Variants in TRIM36 observed in about 807,000 individuals in gnomAD.
TRIM36 encodes the protein E3 ubiquitin-protein ligase TRIM36.
Under a neutral mutation model 72.4 loss-of-function variants are expected in TRIM36, and 42 were observed. That is an observed-to-expected ratio of 0.58 (90% CI 0.45 to 0.75). TRIM36 has a LOEUF of 0.75. TRIM36 is among the 30% of genes least tolerant of loss of function. The pLI is 0.00. For synonymous variants in TRIM36, 315 were observed against 282.8 expected (o/e 1.11, Z -1.14); for missense variants, 913 against 857.1 (o/e 1.07, Z -0.81).
At chr5:115,158,979 A>G (rs1008127641) in intron 2 of TRIM36, among the ~76,000 whole-genome samples, 1 of 152,242 alleles carries the variant, frequency 6.6e-6, no homozygotes, top group African/African-American at 2.4e-5. Flanking sequence ...AGATGGTGGT[A>G]TCACCAGCAT....
intron 2 of TRIM36, chr5:115,149,669 C>T (rs1370694112): frequency 2.9e-5 from 3 of 104,892 alleles, no homozygotes; most frequent in African/African-American, 1.1e-4. Context: ...AGGTGTGAAA[C>T]ACTAAACTTA....
chr5:115,147,150 T>C lies in TRIM36; in HGVS notation c.507A>G (p.Glu169=), dbSNP rs12109197. 2.8e-4 allele frequency: 451 copies of C among 1,614,242 alleles called. 1 individual carries two copies. The African/African-American group carries it at 5.2e-3, about 19-fold the overall frequency. The change falls in exon 3 of 10, where the codon GAA becomes GAG. Residue 169 remains glutamate, a synonymous_variant. Transcript: ENST00000513154. ...CCCAAGGGTGATGAATTTTGAAGCATTCATTGCAGTAACTTGCACTACAGT... is the reference window on the plus strand; with the variant it reads ...CCCAAGGGTGATGAATTTTGAAGCACTCATTGCAGTAACTTGCACTACAGT... ...CMDCSASYCN[E]CFKIHHPWGT... is the part of the protein sequence containing the mutation.
At chr5:115,167,933 A>C (rs1357718956) in intron 1 of TRIM36, among the ~76,000 whole-genome samples, 1 of 152,228 alleles carries the variant, frequency 6.6e-6, no homozygotes, top group Non-Finnish European at 1.5e-5. Context: ...AGGCCTCAGG[A>C]AACTTACAAA....
chr5:115,177,971 A>G (rs12187289), intron 1 of TRIM36: 51,492 of 1,249,106 alleles, frequency 0.041, 1,279 homozygotes, highest in Non-Finnish European at 0.051. Flanking sequence ...GCATACTGTG[A>G]TGAACCCATT....
At position 115,141,326 on chromosome 5, in the gene TRIM36, C is replaced by T. The variant is rs1238541412; in HGVS notation, c.784G>A (p.Val262Met). Reference protein sequence around the residue: ...IDYLIGKESQVKSQISELNLL... With the variant: ...IDYLIGKESQMKSQISELNLL... ...TTTAGTTCAGATATTTGACTCTTCA[C>T]CTGGCTTTCCTTACCAATAAGGTAA... The change falls in exon 5 of 10, where the codon GTG (valine) becomes ATG (methionine). Residue 262 changes from valine (V) to methionine (M), a missense_variant. By Grantham distance (21) the Val-to-Met change is conservative. Coordinates refer to ENST00000513154, the MANE Select transcript of TRIM36 (RefSeq NM_001300759.2). 1.2e-6 allele frequency: 2 copies of T among 1,606,344 alleles called. No homozygotes were observed. The highest frequency in any genetic ancestry group is 1.7e-5 in the Admixed American group (1 of 57,778).
rs1245278874 is a variant in TRIM36, at chr5:115,125,576, T to C, written c.*927A>G. The C allele has an allele frequency of 2.0e-5, 3 of 152,094 alleles. No individual in the cohort carries two copies. The highest frequency in any genetic ancestry group is 4.4e-5 in the Non-Finnish European group (3 of 67,962). 9.4% of individuals were successfully genotyped at this position (152,094 alleles called of 1,614,324 possible). A position where few individuals can be genotyped will look rare whatever the true frequency, so the allele number is the denominator to read the frequency against. On this transcript the variant is annotated 3_prime_UTR_variant, in exon 10 of 10. Coordinates refer to ENST00000513154, the MANE Select transcript of TRIM36 (RefSeq NM_001300759.2). Reference sequence around the variant, plus strand: ...GTAAATATAAATCAGGAAAACCTGATATGTAATAATTGGGCCAAAAATGAA... The same window carrying C: ...GTAAATATAAATCAGGAAAACCTGACATGTAATAATTGGGCCAAAAATGAA...
chr5:115,161,507 T>C (rs572476991), intron 2 of TRIM36, among the ~76,000 whole-genome samples: 171 of 152,362 alleles, frequency 1.1e-3, no homozygotes, highest in Middle Eastern at 0.01. Flanking sequence ...ATGTTTTGGC[T>C]GTCCTGCCCT....
chr5:115,169,992 A>C, upstream of TRIM36: 3 of 1,111,204 alleles, frequency 2.7e-6, no homozygotes, highest in Non-Finnish European at 3.3e-6. Flanking sequence ...CCCAGGCAAC[A>C]GCGCCAGTCG....
intron 1 of TRIM36, among the ~76,000 whole-genome samples, chr5:115,166,777 T>C (rs938403162): frequency 5.3e-5 from 8 of 152,166 alleles, no homozygotes; most frequent in Non-Finnish European, 1.0e-4. Context: ...GACATCCTCT[T>C]TGTGGCTCTG....
At chr5:115,138,446 A>G (rs973542871) in intron 5 of TRIM36, among the ~76,000 whole-genome samples, 1 of 152,170 alleles carries the variant, frequency 6.6e-6, no homozygotes, top group Non-Finnish European at 1.5e-5. Context: ...ATTCTTTACT[A>G]AGATATAAAA....
At chr5:115,132,200 GTGTGTATA>G (rs1403081767) in intron 8 of TRIM36, among the ~76,000 whole-genome samples, 4 of 149,762 alleles carry the variant, frequency 2.7e-5, no homozygotes, top group South Asian at 4.3e-4. Flanking sequence ...GTGTGTGTGT[GTGTGTATA>G]TATATATATA....
intron 2 of TRIM36, chr5:115,148,309 A>C (rs1753700953): frequency 1.0e-6 from 1 of 983,440 alleles, no homozygotes; most frequent in Non-Finnish European, 1.2e-6. Flanking sequence ...TTAATAAATC[A>C]AGAAACCAAT....
At chr5:115,147,522 C>T (rs1287422433) in intron 2 of TRIM36, 128 bp from the exon 3 acceptor site, 18 of 1,120,234 alleles carry the variant, frequency 1.6e-5, no homozygotes, top group Admixed American at 5.7e-5. Flanking sequence ...AGTGGCTCCA[C>T]GTGAAATTTG....
Position 115,126,365 on chromosome 5 carries a change from T to G in TRIM36, c.*138A>C, listed in dbSNP as rs1334101130. 1.5e-6 allele frequency: 1 copy of G among 659,312 alleles called. No homozygotes were observed. The highest frequency in any genetic ancestry group is 2.5e-6 in the Non-Finnish European group (1 of 398,454). The allele number at this position is 659,312 out of a possible 1,614,324, so 40.8% of individuals were successfully genotyped here. ...TGAAGACACAAGGCTGTTTAGATTT[T>G]CTGTATTTCAAGAAGAATCATACTC... On this transcript the variant is annotated 3_prime_UTR_variant, in exon 10 of 10. Coordinates refer to ENST00000513154, the MANE Select transcript of TRIM36 (RefSeq NM_001300759.2).
chr5:115,137,561 T>G lies in TRIM36; in HGVS notation c.887A>C (p.Glu296Ala). ...AGATGATTTCCTCTCTTCCAGAACT[T>G]CAAAGAGCTTTTCAAAATGTGTAAT... ...EAITHFEKLF[E>A]VLEERKSSVL... The change falls in exon 6 of 10, where the codon GAA becomes GCA. Residue 296 changes from glutamate to alanine, a missense_variant. By Grantham distance (107) the Glu-to-Ala change is moderately radical (BLOSUM62 -1). Transcript: ENST00000513154. 6.2e-7 allele frequency: 1 copy of G among 1,613,652 alleles called. No homozygotes were observed.
At chr5:115,159,865 A>G (rs1162249665) in intron 2 of TRIM36, among the ~76,000 whole-genome samples, 1 of 152,198 alleles carries the variant, frequency 6.6e-6, no homozygotes, top group Non-Finnish European at 1.5e-5. Context: ...AAGCAATCTT[A>G]TTACAATCAT....
Position 115,147,320 on chromosome 5 carries a change from C to T in TRIM36, c.337G>A (p.Gly113Arg), listed in dbSNP as rs200585701. Reference sequence around the variant, plus strand: ...AACAGACCATTGATTCCTCGTTCTCCAAGATCCACATCATGCTCACAGCCA... The same window carrying T: ...AACAGACCATTGATTCCTCGTTCTCTAAGATCCACATCATGCTCACAGCCA... ...CPGCEHDVDLGERGINGLFRN... is the reference protein window; with the variant it reads ...CPGCEHDVDLRERGINGLFRN... Residue 113 changes from glycine (G) to arginine (R), a missense_variant, in exon 3 of 10, where the codon GGA becomes AGA. Gly to Arg is a moderately radical substitution (Grantham distance 125). Coordinates refer to ENST00000513154, the MANE Select transcript of TRIM36 (RefSeq NM_001300759.2). 6 of 1,614,060 alleles carry T rather than the reference C, an allele frequency of 3.7e-6. No homozygotes were observed. The highest frequency in any genetic ancestry group is 5.1e-6 in the Non-Finnish European group (6 of 1,180,048).
intron 2 of TRIM36, among the ~76,000 whole-genome samples, chr5:115,147,667 A>G (rs1307169085): frequency 6.6e-6 from 1 of 152,248 alleles, no homozygotes; most frequent in Non-Finnish European, 1.5e-5. Context: ...TCAAACATAG[A>G]TATAAAGATA....
At chr5:115,179,904 C>T in intron 1 of TRIM36, 9 of 1,486,434 alleles carry the variant, frequency 6.1e-6, no homozygotes, top group Non-Finnish European at 8.4e-6. Context: ...GACACGGACG[C>T]CCACAGTGGC....
Sources: gnomAD v4.1 joint callset for allele counts (sites outside exome capture counted in the v4.1 genomes callset) on GRCh38, gnomAD v4.1.1 for gene constraint, MANE v1.5 for transcripts, NCBI Gene and HGNC (gene_info 2026-07-23, HGNC 2026-07-21) for gene names.